Variants in PRKN observed in about 807,000 individuals in gnomAD.
The protein encoded by PRKN is E3 ubiquitin-protein ligase parkin.
In PRKN, 56 loss-of-function variants were observed where a neutral mutation model predicts 59.5. That is an observed-to-expected ratio of 0.94 (90% CI 0.76 to 1.18). PRKN has a LOEUF of 1.18. Among genes scored for constraint, PRKN ranks in the 50% most tolerant of loss-of-function variants. The pLI is 0.00. For synonymous variants in PRKN, 250 were observed against 222.1 expected (o/e 1.13, Z -1.12); for missense variants, 657 against 596.4 (o/e 1.10, Z -1.06).
chr6:161,564,205 C>T (rs115187838), intron 8 of PRKN, among the ~76,000 whole-genome samples: 147 of 152,292 alleles, frequency 9.7e-4, no homozygotes, highest in African/African-American at 3.3e-3. Flanking sequence ...TGCTTCCTCT[C>T]GGGAGCCTCA....
chr6:161,632,524 C>A (rs1783354169), intron 7 of PRKN, among the ~76,000 whole-genome samples: 2 of 152,102 alleles, frequency 1.3e-5, no homozygotes, highest in African/African-American at 4.8e-5. Flanking sequence ...TGTTTTTAGT[C>A]ACATTTTGAA....
intron 7 of PRKN, among the ~76,000 whole-genome samples, chr6:161,732,016 C>T (rs147690367): frequency 2.0e-5 from 3 of 151,724 alleles, no homozygotes; most frequent in East Asian, 1.9e-4. Flanking sequence ...CTGCATGTCA[C>T]GGGGGTTTGG....
At chr6:162,188,855 T>C (rs2128325931) in intron 4 of PRKN, among the ~76,000 whole-genome samples, 1 of 151,832 alleles carries the variant, frequency 6.6e-6, no homozygotes, top group African/African-American at 2.4e-5. Flanking sequence ...TCTCTCAAGC[T>C]CTTTAACAAT....
At chr6:162,049,796 C>T (rs937032543) in intron 5 of PRKN, among the ~76,000 whole-genome samples, 7 of 152,078 alleles carry the variant, frequency 4.6e-5, no homozygotes, top group African/African-American at 1.2e-4. Flanking sequence ...TCCTAAAACA[C>T]GACCAGTTGT....
rs533829782 is a variant in PRKN, at chr6:161,428,663, A to G, written c.1084-41786T>C. On this transcript the variant is annotated intron_variant, in intron 9 of 11. Transcript: ENST00000366898. The surrounding 1 kb of genome is among the most constrained non-coding windows in gnomAD (Gnocchi z 4.0). ...TTGTCAACTGCTACTGTCTTGCTAA[A>G]GAATCAGCAATTCACACATATAATA... 6.6e-6 allele frequency among the ~76,000 whole-genome samples: 1 copy of G among 152,366 alleles called. No homozygotes were observed. Among genetic ancestry groups the G allele is most frequent in the Admixed American group, 6.5e-5 (1 of 15,296 alleles).
At chr6:162,648,664 G>A (rs1054746097) in intron 1 of PRKN, among the ~76,000 whole-genome samples, 3 of 152,210 alleles carry the variant, frequency 2.0e-5, no homozygotes, top group Admixed American at 1.3e-4. Flanking sequence ...TTACAGGCGT[G>A]AGCCACGACA....
At chr6:162,509,467 A>G (rs564685643) in intron 1 of PRKN, among the ~76,000 whole-genome samples, 1 of 152,334 alleles carries the variant, frequency 6.6e-6, no homozygotes, top group South Asian at 2.1e-4. Context: ...AAAAATGTCA[A>G]TATGCTAAAT....
intron 4 of PRKN, among the ~76,000 whole-genome samples, chr6:162,065,466 G>T (rs1159706714): frequency 2.0e-5 from 3 of 152,070 alleles, no homozygotes; most frequent in Non-Finnish European, 2.9e-5. Flanking sequence ...TTGAGGATGG[G>T]TCTTCTTCAC....
rs1170459037 is a variant in PRKN, at chr6:161,446,182, C to T, written c.1084-59305G>A. Among the ~76,000 whole-genome samples, 1 of 152,136 alleles carries T rather than the reference C, an allele frequency of 6.6e-6. No homozygotes were observed. Among genetic ancestry groups the T allele is most frequent in the African/African-American group, 2.4e-5 (1 of 41,412 alleles). On this transcript the variant is annotated intron_variant, in intron 9 of 11. Coordinates refer to ENST00000366898, the MANE Select transcript of PRKN (RefSeq NM_004562.3). The surrounding 1 kb of genome is among the most constrained non-coding windows in gnomAD (Gnocchi z 6.2). ...ACAGTAAGCTAGGATTGTATCACTG[C>T]ACTCCAGCCTTGGCAACAGAGAGAG...
At chr6:161,640,371 T>G (rs1271284904) in intron 7 of PRKN, among the ~76,000 whole-genome samples, 1 of 152,160 alleles carries the variant, frequency 6.6e-6, no homozygotes. Context: ...CATTTTAGTT[T>G]TATGTGGTCT....
At chr6:162,345,814 C>A (rs886656426) in intron 2 of PRKN, among the ~76,000 whole-genome samples, 3 of 152,090 alleles carry the variant, frequency 2.0e-5, no homozygotes, top group African/African-American at 7.2e-5. Context: ...TACTTTCCAA[C>A]CTTGAAACTT....
intron 3 of PRKN, among the ~76,000 whole-genome samples, chr6:162,214,830 G>A (rs1777568113): frequency 6.6e-6 from 1 of 152,070 alleles, no homozygotes; most frequent in Non-Finnish European, 1.5e-5. Context: ...TTTTACATGT[G>A]TTCACTTTAT....
At chr6:162,129,239 T>C (rs71567634) in intron 4 of PRKN, among the ~76,000 whole-genome samples, 5,777 of 152,278 alleles carry the variant, frequency 0.038, 141 homozygotes, top group Non-Finnish European at 0.057. Context: ...AAATGAGCTT[T>C]AATTTTATTT....
chr6:162,449,897 G>C (rs1227884564), intron 1 of PRKN, among the ~76,000 whole-genome samples: 1 of 152,208 alleles, frequency 6.6e-6, no homozygotes, highest in Non-Finnish European at 1.5e-5. Context: ...TTTCTAGTTA[G>C]GGGGTCCACA....
chr6:161,455,302 G>A (rs1789916801), intron 9 of PRKN, among the ~76,000 whole-genome samples: 1 of 152,064 alleles, frequency 6.6e-6, no homozygotes, highest in Non-Finnish European at 1.5e-5. Flanking sequence ...CTCCTAAAGT[G>A]CTGGGATTAC....
chr6:162,259,996 T>G (rs112762866), intron 3 of PRKN, among the ~76,000 whole-genome samples: 9 of 152,208 alleles, frequency 5.9e-5, no homozygotes, highest in African/African-American at 1.9e-4. Context: ...CAGAGTTAAA[T>G]CTGAAAGTTG....
chr6:161,501,749 T>C (rs564109754), intron 9 of PRKN, among the ~76,000 whole-genome samples: 23 of 152,230 alleles, frequency 1.5e-4, no homozygotes, highest in Admixed American at 3.3e-4. Flanking sequence ...GCATCTCACA[T>C]TGTGAATTTG....
intron 2 of PRKN, among the ~76,000 whole-genome samples, chr6:162,346,797 T>C (rs1312524832): frequency 2.0e-5 from 3 of 152,152 alleles, no homozygotes; most frequent in Non-Finnish European, 4.4e-5. Context: ...TATGTTTACA[T>C]AACATGACTA....
intron 5 of PRKN, among the ~76,000 whole-genome samples, chr6:161,995,094 A>G (rs1186363652): frequency 6.6e-6 from 1 of 152,174 alleles, no homozygotes; most frequent in Non-Finnish European, 1.5e-5. Context: ...AAACATACAC[A>G]TAGAGCAATG....
Sources: allele counts gnomAD v4.1 joint callset (sites outside exome capture counted in the v4.1 genomes callset), GRCh38; gene constraint gnomAD v4.1.1; non-coding constraint Gnocchi (gnomAD v3.1); transcripts MANE v1.5; gene names NCBI Gene and HGNC (gene_info 2026-07-23, HGNC 2026-07-21).